ADARB2: variants seen among roughly 807,000 people sequenced by gnomAD.
ADARB2 encodes inactive double-stranded RNA-specific editase B2.
Under a neutral mutation model 62.2 loss-of-function variants are expected in ADARB2, and 25 were observed. The ratio of observed to expected loss-of-function variants is 0.40; its 90% CI spans 0.29 to 0.56. ADARB2 has a LOEUF of 0.56. Ranked by LOEUF, ADARB2 falls within the 20% of genes least tolerant of loss-of-function variation. ADARB2 has a pLI of 0.43. For missense variants in ADARB2, 1,071 were observed against 1,077.4 expected (o/e 0.99, Z 0.08); for synonymous variants, 572 against 500.8 (o/e 1.14, Z -1.90).
chr10:1,408,430 C>T (rs924271727), intron 1 of ADARB2, among the ~76,000 whole-genome samples: 16 of 152,294 alleles, frequency 1.1e-4, no homozygotes, highest in Non-Finnish European at 2.2e-4. Context: ...TCTTGAACCA[C>T]ATCTATGATG....
chr10:1,281,373 A>G (rs889937273), intron 3 of ADARB2, among the ~76,000 whole-genome samples: 1 of 152,220 alleles, frequency 6.6e-6, no homozygotes, highest in Non-Finnish European at 1.5e-5. Context: ...GGCCTCACCT[A>G]TGGAATGCTA....
rs112873526 is a variant in ADARB2, at chr10:1,449,172, G to T, written c.101-70012C>A. On this transcript the variant is annotated intron_variant, in intron 1 of 9. Coordinates refer to ENST00000381312, the MANE Select transcript of ADARB2 (RefSeq NM_018702.4). ...GTGACCCCCACTCCTTTTCTTTATT[G>T]CCAGGAACAGTCAGCCCCACATGCT... Among the ~76,000 whole-genome samples, 346 of 152,130 alleles carry T rather than the reference G, an allele frequency of 2.3e-3. 1 individual carries two copies. The highest frequency in any genetic ancestry group is 7.7e-3 in the African/African-American group (320 of 41,490).
chr10:1,703,398 G>C (rs571915202), intron 1 of ADARB2, among the ~76,000 whole-genome samples: 2 of 152,282 alleles, frequency 1.3e-5, no homozygotes, highest in East Asian at 3.9e-4. Context: ...CAAAGGCTTG[G>C]AGCCTGGATG....
chr10:1,214,899 A>G (rs1173297204), intron 7 of ADARB2, among the ~76,000 whole-genome samples: 1 of 152,236 alleles, frequency 6.6e-6, no homozygotes, highest in African/African-American at 2.4e-5. Flanking sequence ...CTCCCCAGCC[A>G]GGAGTGCCCA....
intron 1 of ADARB2, among the ~76,000 whole-genome samples, chr10:1,555,551 TA>T (rs1476640208): frequency 1.3e-5 from 2 of 151,752 alleles, no homozygotes; most frequent in African/African-American, 2.4e-5. Context: ...GTGCTCTTGA[TA>T]AAAATGAAGG....
At chr10:1,652,783 C>T (rs983323481) in intron 1 of ADARB2, among the ~76,000 whole-genome samples, 14 of 152,168 alleles carry the variant, frequency 9.2e-5, no homozygotes, top group Admixed American at 8.5e-4. Flanking sequence ...CTGAACTTGA[C>T]TGTGTGCTTT....
intron 1 of ADARB2, among the ~76,000 whole-genome samples, chr10:1,724,607 C>A (rs111645642): frequency 8.3e-4 from 127 of 152,320 alleles, no homozygotes; most frequent in African/African-American, 2.8e-3. Context: ...GGCCAGGGTC[C>A]CACTGTGCTC....
At chr10:1,262,172 T>C (rs1414701657) in intron 4 of ADARB2, among the ~76,000 whole-genome samples, 2 of 139,564 alleles carry the variant, frequency 1.4e-5, no homozygotes, top group Non-Finnish European at 3.1e-5. Context: ...GGGATAGCAT[T>C]GGGAGATATA....
intron 1 of ADARB2, among the ~76,000 whole-genome samples, chr10:1,580,731 C>G (rs2132000248): frequency 6.6e-6 from 1 of 152,280 alleles, no homozygotes; most frequent in East Asian, 1.9e-4. Flanking sequence ...GCGTCCCTGC[C>G]CTAAAAATCC....
At chr10:1,657,923 CTCTGTCTCTCTTTATCTGATTCTCTG>C (rs1452566277) in intron 1 of ADARB2, among the ~76,000 whole-genome samples, 5 of 150,276 alleles carry the variant, frequency 3.3e-5, no homozygotes, top group East Asian at 2.0e-4. Context: ...TTATCTGATT[CTCTGTCTCTCTTTATCTGATTCTCTG>C]TCTGTGTCTG....
intron 1 of ADARB2, among the ~76,000 whole-genome samples, chr10:1,538,569 C>A (rs768008353): frequency 1.3e-5 from 2 of 152,172 alleles, no homozygotes; most frequent in African/African-American, 2.4e-5. Context: ...CCCAGACCTG[C>A]GGGAAGAGTG....
chr10:1,695,619 GT>G (rs1834729055), intron 1 of ADARB2, among the ~76,000 whole-genome samples: 1 of 111,150 alleles, frequency 9.0e-6, no homozygotes, highest in African/African-American at 2.7e-5. Context: ...ATGCATGTTT[GT>G]GAGAGTGTGT....
chr10:1,597,499 A>C (rs1250951474), intron 1 of ADARB2, among the ~76,000 whole-genome samples: 1 of 152,238 alleles, frequency 6.6e-6, no homozygotes, highest in Non-Finnish European at 1.5e-5. Flanking sequence ...ATGAGGGGCC[A>C]AGAAACATAT....
intron 6 of ADARB2, among the ~76,000 whole-genome samples, chr10:1,222,211 T>A (rs1209024460): frequency 6.6e-6 from 1 of 152,218 alleles, no homozygotes; most frequent in Non-Finnish European, 1.5e-5. Flanking sequence ...TGCATAAATG[T>A]CTTTTTTTGA....
chr10:1,311,296 T>C (rs1209140243), intron 3 of ADARB2, among the ~76,000 whole-genome samples: 6 of 152,216 alleles, frequency 3.9e-5, no homozygotes, highest in African/African-American at 1.4e-4. Context: ...GCATTACTTT[T>C]GTTTCTGGTG....
chr10:1,401,483 G>A (rs1036023090), intron 1 of ADARB2, among the ~76,000 whole-genome samples: 19 of 152,284 alleles, frequency 1.2e-4, no homozygotes, highest in South Asian at 2.1e-4. Context: ...AGCGCTGTTC[G>A]GGGCCTCCGG....
chr10:1,284,890 C>T (rs1831399413), intron 3 of ADARB2, among the ~76,000 whole-genome samples: 2 of 152,032 alleles, frequency 1.3e-5, no homozygotes, highest in Admixed American at 1.3e-4. Flanking sequence ...TGGTCTGGCC[C>T]ACCTTCAGTC....
intron 1 of ADARB2, among the ~76,000 whole-genome samples, chr10:1,589,794 C>T (rs1419504325): frequency 6.6e-6 from 1 of 152,240 alleles, no homozygotes; most frequent in African/African-American, 2.4e-5. Context: ...CAGTCTCAGC[C>T]TCCTGAGTAG....
At chr10:1,546,905 T>A (rs993336614) in intron 1 of ADARB2, among the ~76,000 whole-genome samples, 9 of 152,226 alleles carry the variant, frequency 5.9e-5, no homozygotes, top group African/African-American at 2.2e-4. Context: ...GAGGCAGGGC[T>A]GCCAGGAAGG....
Sources: gnomAD v4.1 joint callset for allele counts (sites outside exome capture counted in the v4.1 genomes callset) on GRCh38, gnomAD v4.1.1 for gene constraint, MANE v1.5 for transcripts, NCBI Gene and HGNC (gene_info 2026-07-23, HGNC 2026-07-21) for gene names.